The following SNAP91 variants were observed in gnomAD, a reference collection of about 807,000 sequenced individuals.
SNAP91 encodes the protein synaptosome associated protein 91, also known as clathrin coat assembly protein AP180.
A neutral mutation model predicts 100.3 loss-of-function variants in SNAP91; 27 were observed. The observed-to-expected ratio is 0.27, with a 90% CI of 0.20 to 0.37. SNAP91 has a LOEUF of 0.37. Ranked by LOEUF, SNAP91 falls within the 10% of genes least tolerant of loss-of-function variation. SNAP91 has a pLI of 1.00. For missense variants in SNAP91, 986 were observed against 1,123.7 expected (o/e 0.88, Z 1.75); for synonymous variants, 404 against 398.6 (o/e 1.01, Z -0.16).
intron 5 of SNAP91, among the ~76,000 whole-genome samples, chr6:83,660,569 T>C (rs2098521266): frequency 6.6e-6 from 1 of 152,188 alleles, no homozygotes; most frequent in Admixed American, 6.5e-5. Flanking sequence ...ATGCATCTAT[T>C]TAGAGGGAAA....
chr6:83,584,964 C>T (rs576405914), intron 22 of SNAP91, among the ~76,000 whole-genome samples: 8 of 152,230 alleles, frequency 5.3e-5, no homozygotes, highest in Non-Finnish European at 1.0e-4. Context: ...CCATTATACT[C>T]GGTTCTTATG....
chr6:83,691,667 G>A (rs748221436), intron 2 of SNAP91, among the ~76,000 whole-genome samples: 1 of 152,008 alleles, frequency 6.6e-6, no homozygotes, highest in South Asian at 2.1e-4. Context: ...GAAGAACCCA[G>A]GCCCAATAAT....
At chr6:83,578,047 G>A (rs1822133832) in intron 24 of SNAP91, among the ~76,000 whole-genome samples, 1 of 152,084 alleles carries the variant, frequency 6.6e-6, no homozygotes, top group Non-Finnish European at 1.5e-5. Context: ...GCATGTATCA[G>A]TACTTCATTT....
chr6:83,641,049 C>A lies in SNAP91; in HGVS notation c.765+47G>T, dbSNP rs2097679663. ...ATTATATATACTCCAGATACATGAG[C>A]AAATATTTAAAAAATTATATTCCCA... is the stretch of plus-strand genomic sequence containing the variant. On this transcript the variant is annotated intron_variant, in intron 8 of 29. Coordinates refer to ENST00000369694, the MANE Select transcript of SNAP91 (RefSeq NM_001242792.2). 4 of 1,107,000 alleles carry A rather than the reference C, an allele frequency of 3.6e-6. No individual in the cohort carries two copies. In the South Asian group the frequency reaches 4.7e-5, roughly 13 times the overall value. 68.6% of individuals were successfully genotyped at this position (1,107,000 alleles called of 1,614,324 possible). A position where few individuals can be genotyped will look rare whatever the true frequency, so the allele number is the denominator to read the frequency against.
At chr6:83,595,865 C>T (rs963796795) in intron 16 of SNAP91, among the ~76,000 whole-genome samples, 2 of 152,182 alleles carry the variant, frequency 1.3e-5, no homozygotes, top group Admixed American at 6.5e-5. Context: ...GTATGAAACA[C>T]TCTTTAGTAA....
intron 2 of SNAP91, among the ~76,000 whole-genome samples, chr6:83,701,972 T>C (rs2099318066): frequency 6.6e-6 from 1 of 152,164 alleles, no homozygotes; most frequent in Non-Finnish European, 1.5e-5. Flanking sequence ...CATTGTGCAA[T>C]TGACACAGGG....
intron 2 of SNAP91, among the ~76,000 whole-genome samples, chr6:83,686,601 T>C (rs2099064583): frequency 1.3e-5 from 2 of 152,222 alleles, no homozygotes; most frequent in Non-Finnish European, 2.9e-5. Context: ...CTTTCATACT[T>C]TTATATTATC....
At chr6:83,604,338 C>A (rs546126662) in intron 14 of SNAP91, among the ~76,000 whole-genome samples, 13 of 151,990 alleles carry the variant, frequency 8.6e-5, no homozygotes, top group Non-Finnish European at 1.5e-4. Context: ...GCTGAGAGAA[C>A]AATTTTATTT....
At chr6:83,644,382 G>A (rs217323) in intron 7 of SNAP91, among the ~76,000 whole-genome samples, 55,602 of 151,912 alleles carry the variant, frequency 0.37, 10,997 homozygotes, top group South Asian at 0.5. Flanking sequence ...CACTGACACA[G>A]GCACAGCTAA....
chr6:83,554,373 G>T, intron 29 of SNAP91, 88 bp from the exon 30 acceptor site: 1 of 182,168 alleles, frequency 5.5e-6, no homozygotes, highest in Non-Finnish European at 1.2e-5. Context: ...TTACTTCATA[G>T]TTTCTGAAAA....
chr6:83,643,217 G>T (rs1448696995), intron 7 of SNAP91, among the ~76,000 whole-genome samples: 2 of 152,064 alleles, frequency 1.3e-5, no homozygotes, highest in Non-Finnish European at 1.5e-5. Context: ...GTCAATTTTG[G>T]CTTTTGTTGC....
intron 9 of SNAP91, among the ~76,000 whole-genome samples, chr6:83,622,744 A>T (rs964528667): frequency 1.1e-4 from 16 of 151,162 alleles, no homozygotes; most frequent in African/African-American, 3.4e-4. Context: ...AAGCCCCTCT[A>T]TTGTTGTCAT....
intron 26 of SNAP91, among the ~76,000 whole-genome samples, chr6:83,572,730 T>C (rs944862576): frequency 2.0e-4 from 31 of 152,178 alleles, no homozygotes; most frequent in African/African-American, 7.5e-4. Flanking sequence ...ATCACGAAAG[T>C]ATAAATTCCT....
intron 8 of SNAP91, among the ~76,000 whole-genome samples, chr6:83,639,707 G>A (rs938185362): frequency 6.6e-6 from 1 of 152,062 alleles, no homozygotes; most frequent in Non-Finnish European, 1.5e-5. Flanking sequence ...TTGTAATGCT[G>A]ATTAGAGAAG....
intron 26 of SNAP91, among the ~76,000 whole-genome samples, chr6:83,566,823 C>T (rs149978956): frequency 6.6e-6 from 1 of 152,240 alleles, no homozygotes; most frequent in East Asian, 1.9e-4. Flanking sequence ...AACAACTAAC[C>T]TCTAATTATG....
intron 7 of SNAP91, among the ~76,000 whole-genome samples, chr6:83,652,862 G>A (rs1042519160): frequency 2.6e-5 from 4 of 152,084 alleles, no homozygotes; most frequent in Non-Finnish European, 5.9e-5. Flanking sequence ...ATTTCACAGG[G>A]TAAAGAATTC....
intron 16 of SNAP91, among the ~76,000 whole-genome samples, chr6:83,594,872 T>C (rs2094281550): frequency 6.6e-6 from 1 of 152,228 alleles, no homozygotes; most frequent in Non-Finnish European, 1.5e-5. Flanking sequence ...GATTCACTGT[T>C]ATTAAAATGT....
chr6:83,601,137 A>C, intron 16 of SNAP91, 134 bp downstream of exon 16: 1 of 707,936 alleles, frequency 1.4e-6, no homozygotes, highest in Non-Finnish European at 2.3e-6. Flanking sequence ...AGATAAATAT[A>C]CATGAATAAA....
intron 8 of SNAP91, among the ~76,000 whole-genome samples, chr6:83,640,321 T>C (rs182083959): frequency 3.3e-5 from 5 of 152,306 alleles, no homozygotes; most frequent in Admixed American, 2.6e-4. Flanking sequence ...GGCATGAATG[T>C]CCCACATCCA....
Sources: allele counts gnomAD v4.1 joint callset (sites outside exome capture counted in the v4.1 genomes callset), GRCh38; gene constraint gnomAD v4.1.1; transcripts MANE v1.5; gene names NCBI Gene and HGNC (gene_info 2026-07-23, HGNC 2026-07-21).